DLG2: variants seen among roughly 807,000 people sequenced by gnomAD.
The protein encoded by DLG2 is discs large MAGUK scaffold protein 2, also known as disks large homolog 2.
In DLG2, 45 loss-of-function variants were observed where a neutral mutation model predicts 132.5. The ratio of observed to expected loss-of-function variants is 0.34; its 90% CI spans 0.27 to 0.44. DLG2 has a LOEUF of 0.44. Among genes scored for constraint, DLG2 ranks in the 20% least tolerant of loss-of-function variants. The pLI is 1.00. For missense variants in DLG2, 1,045 were observed against 1,196.9 expected (o/e 0.87, Z 1.87); for synonymous variants, 424 against 419.6 (o/e 1.01, Z -0.13).
intron 6 of DLG2, among the ~76,000 whole-genome samples, chr11:84,707,848 C>G (rs1346101212): frequency 2.0e-5 from 3 of 151,866 alleles, no homozygotes; most frequent in African/African-American, 7.2e-5. Context: ...CAAGCACCAG[C>G]TTCTCCCTTT....
intron 6 of DLG2, among the ~76,000 whole-genome samples, chr11:84,963,231 G>A (rs1164423418): frequency 6.6e-6 from 1 of 152,158 alleles, no homozygotes; most frequent in Non-Finnish European, 1.5e-5. Context: ...TGTGTCTATG[G>A]TAACATATGC....
intron 10 of DLG2, among the ~76,000 whole-genome samples, chr11:84,078,563 A>C (rs975801798): frequency 1.3e-5 from 2 of 152,198 alleles, no homozygotes; most frequent in South Asian, 4.1e-4. Flanking sequence ...AATACCAATT[A>C]AATGGAAAAG....
chr11:84,968,054 C>T (rs1288051378), intron 6 of DLG2, among the ~76,000 whole-genome samples: 3 of 152,006 alleles, frequency 2.0e-5, no homozygotes, highest in African/African-American at 7.2e-5. Context: ...TATATGCAAA[C>T]ATTTATATGA....
intron 6 of DLG2, among the ~76,000 whole-genome samples, chr11:84,845,367 C>T (rs548006315): frequency 6.6e-5 from 10 of 152,042 alleles, no homozygotes; most frequent in South Asian, 6.2e-4. Context: ...TGGGGTACAA[C>T]GATACACAAA....
chr11:85,278,378 G>C (rs189979316), intron 4 of DLG2, among the ~76,000 whole-genome samples: 1 of 152,296 alleles, frequency 6.6e-6, no homozygotes, highest in East Asian at 1.9e-4. Context: ...TGCCTGGGCA[G>C]ATCACCTGAG....
At chr11:84,803,992 A>G (rs997745436) in intron 6 of DLG2, among the ~76,000 whole-genome samples, 1 of 152,220 alleles carries the variant, frequency 6.6e-6, no homozygotes, top group Non-Finnish European at 1.5e-5. Flanking sequence ...TGAGAATTAA[A>G]TGACATGATA....
At chr11:83,692,561 G>A (rs1358229253) in intron 18 of DLG2, among the ~76,000 whole-genome samples, 4 of 152,052 alleles carry the variant, frequency 2.6e-5, no homozygotes, top group African/African-American at 9.7e-5. Context: ...CTAAAATTGT[G>A]GTGATGGTTG....
intron 9 of DLG2, among the ~76,000 whole-genome samples, chr11:84,133,750 G>C (rs1321640325): frequency 2.6e-5 from 4 of 151,712 alleles, no homozygotes; most frequent in African/African-American, 7.3e-5. Context: ...TTAATAGCTG[G>C]GACTATAGAT....
intron 18 of DLG2, among the ~76,000 whole-genome samples, chr11:83,635,170 T>A (rs934301237): frequency 6.6e-6 from 1 of 152,136 alleles, no homozygotes; most frequent in Non-Finnish European, 1.5e-5. Context: ...GAGCCCAGGA[T>A]TTCAAGGTTT....
At position 83,965,420 on chromosome 11, in the gene DLG2, T is replaced by C; in HGVS notation, c.1105A>G (p.Ile369Val). Residue 369 changes from isoleucine to valine, a missense_variant, in exon 13 of 28, where the codon ATA (isoleucine) becomes GTA (valine). Physicochemically the swap from Ile to Val is conservative, Grantham distance 29. This residue lies in a region of DLG2 where 261 missense variants were observed against 256.1 expected (regional missense o/e 1.02). Transcript: ENST00000376104. ...EEVTHEEAVA[I>V]LKNTSEVVYL... ...ACTACCTCTGATGTGTTCTTTAATA[T>C]TGCTACTGCCTCTTCGTGTGTTACT... The C allele has an allele frequency of 6.2e-7, 1 of 1,611,754 alleles. No individual in the cohort carries two copies. The highest frequency in any genetic ancestry group is 8.5e-7 in the Non-Finnish European group (1 of 1,178,424).
At chr11:85,128,122 T>C (rs1200082974) in intron 5 of DLG2, among the ~76,000 whole-genome samples, 1 of 152,192 alleles carries the variant, frequency 6.6e-6, no homozygotes, top group Non-Finnish European at 1.5e-5. Context: ...ATTATGTACA[T>C]TAACCTGTTA....
chr11:83,957,133 CA>C (rs1457439693), intron 14 of DLG2, among the ~76,000 whole-genome samples: 3 of 152,186 alleles, frequency 2.0e-5, no homozygotes, highest in Non-Finnish European at 4.4e-5. Flanking sequence ...CAGAAATCTT[CA>C]TGTTCTACCT....
At chr11:83,523,552 A>G (rs1210972487) in intron 21 of DLG2, among the ~76,000 whole-genome samples, 2 of 152,192 alleles carry the variant, frequency 1.3e-5, no homozygotes, top group Non-Finnish European at 2.9e-5. Context: ...TAATTTATCT[A>G]TCCTTTCTTA....
intron 6 of DLG2, among the ~76,000 whole-genome samples, chr11:84,837,149 C>A: frequency 6.6e-6 from 1 of 151,692 alleles, no homozygotes; most frequent in East Asian, 2.0e-4. Context: ...ACTGTATTAG[C>A]TATATACATT....
chr11:84,174,705 C>T (rs1160997241), intron 8 of DLG2, among the ~76,000 whole-genome samples: 1 of 152,066 alleles, frequency 6.6e-6, no homozygotes, highest in Non-Finnish European at 1.5e-5. Flanking sequence ...TGGGAATCTC[C>T]CATTTTTACC....
intron 5 of DLG2, among the ~76,000 whole-genome samples, chr11:85,120,809 T>C (rs993230500): frequency 6.6e-6 from 1 of 152,076 alleles, no homozygotes; most frequent in Non-Finnish European, 1.5e-5. Flanking sequence ...GAAACATAAT[T>C]AAATGGTCTT....
chr11:83,540,697 G>A (rs1310742745), intron 20 of DLG2, among the ~76,000 whole-genome samples: 1 of 152,224 alleles, frequency 6.6e-6, no homozygotes, highest in Non-Finnish European at 1.5e-5. Context: ...TTGATGTGTA[G>A]TAGCACTTGA....
chr11:83,945,979 CTT>C (rs2083803172), intron 14 of DLG2, among the ~76,000 whole-genome samples: 1 of 138,654 alleles, frequency 7.2e-6, no homozygotes, highest in Non-Finnish European at 1.5e-5. Flanking sequence ...TTCTCTTTCT[CTT>C]TCTCTCTCTC....
At chr11:85,093,477 T>C (rs929962406) in intron 6 of DLG2, among the ~76,000 whole-genome samples, 7 of 152,174 alleles carry the variant, frequency 4.6e-5, no homozygotes, top group African/African-American at 1.7e-4. Context: ...AGTGTATTAG[T>C]CTGTTTTCAC....
Sources: allele counts gnomAD v4.1 joint callset (sites outside exome capture counted in the v4.1 genomes callset), GRCh38; gene constraint gnomAD v4.1.1; regional missense constraint gnomAD v4.1.1; transcripts MANE v1.5; gene names NCBI Gene and HGNC (gene_info 2026-07-23, HGNC 2026-07-21).